Variants in USP50 observed in about 807,000 individuals in gnomAD.
USP50 encodes ubiquitin carboxyl-terminal hydrolase 50.
USP50 carries 37 observed loss-of-function variants against 39.2 expected under a neutral mutation model. That is an observed-to-expected ratio of 0.94 (90% CI 0.73 to 1.24). The LOEUF (loss-of-function observed/expected upper bound fraction) is 1.24, where lower values mean the gene tolerates loss of function less well. USP50 is among the 50% of genes most tolerant of loss of function. The pLI, the probability that USP50 is intolerant of heterozygous loss-of-function variation, is 0.00. For missense variants in USP50, 374 were observed against 398.2 expected, an observed-to-expected ratio of 0.94 and a Z score of 0.52; for synonymous variants, 139 against 144.5, an observed-to-expected ratio of 0.96 and a Z score of 0.27.
At chr15:50,517,314 T>C (rs2052811368) in intron 6 of USP50, among the ~76,000 whole-genome samples, 1 of 150,662 alleles carries the variant, frequency 6.6e-6, no homozygotes, top group South Asian at 2.1e-4. Context: ...TTACTAAAAA[T>C]ACAAAAAATT....
At chr15:50,525,664 G>GTATATTA (rs1555395222) in intron 6 of USP50, among the ~76,000 whole-genome samples, 1 of 44,888 alleles carries the variant, frequency 2.2e-5, no homozygotes, top group African/African-American at 6.6e-5. Context: ...ATGTATATAT[G>GTATATTA]TATATGTATA....
At chr15:50,506,394 T>C (rs1211264710) in intron 6 of USP50, 2 of 152,168 alleles carry the variant, frequency 1.3e-5, no homozygotes, top group African/African-American at 4.8e-5. Context: ...GTGCTCCTTA[T>C]GAGAATCTAC....
At chr15:50,537,403 T>C (rs913720849) in intron 5 of USP50, among the ~76,000 whole-genome samples, 5 of 152,140 alleles carry the variant, frequency 3.3e-5, no homozygotes, top group Admixed American at 3.3e-4. Flanking sequence ...AATGACTTTT[T>C]AGCTACAACA....
At position 50,529,830 on chromosome 15, in the gene USP50, C is replaced by T. The variant is rs1366837340; in HGVS notation, c.903G>A (p.Arg301=). ...DLTPYICSIF[R]KYPKYNLCAV... ...CACAGAGGTTGTATTTAGGATATTTCCGGAAAATTGAGCAAATATAAGGAG... is the reference window on the plus strand; with the variant it reads ...CACAGAGGTTGTATTTAGGATATTTTCGGAAAATTGAGCAAATATAAGGAG... Residue 301 remains arginine, a synonymous_variant, in exon 6 of 7, where the codon CGG becomes CGA. Transcript: ENST00000532404. 7 of 1,613,676 alleles carry T rather than the reference C, an allele frequency of 4.3e-6. No individual in the cohort carries two copies. In the Admixed American group the frequency reaches 8.3e-5, roughly 19 times the overall value.
intron 6 of USP50, among the ~76,000 whole-genome samples, chr15:50,526,708 C>G (rs890281345): frequency 3.9e-5 from 6 of 152,174 alleles, no homozygotes; most frequent in African/African-American, 1.4e-4. Context: ...ACATGTTTAA[C>G]AATCAGAGGC....
chr15:50,527,722 C>T (rs985371603), intron 6 of USP50, among the ~76,000 whole-genome samples: 2 of 151,538 alleles, frequency 1.3e-5, no homozygotes, highest in South Asian at 4.2e-4. Flanking sequence ...GCAACTTCTG[C>T]CTCCTGGGTT....
At position 50,500,662 on chromosome 15, in the gene USP50, T is replaced by G; in HGVS notation, c.*107A>C. On this transcript the variant is annotated 3_prime_UTR_variant, in exon 7 of 7. Coordinates refer to ENST00000532404, the MANE Select transcript of USP50 (RefSeq NM_203494.5). ...ACACCATTTTCCTGGCTCTTAACGC[T>G]TTTGTATTGGTATGGAAAAGGGCTG... 9.0e-7 allele frequency: 1 copy of G among 1,110,380 alleles called. No homozygotes were observed. Among genetic ancestry groups the G allele is most frequent in the South Asian group, 1.4e-5 (1 of 73,496 alleles). The allele number at this position is 1,110,380 out of a possible 1,614,324, so 68.8% of individuals were successfully genotyped here.
At chr15:50,524,039 C>T (rs1314952222) in intron 6 of USP50, among the ~76,000 whole-genome samples, 1 of 152,068 alleles carries the variant, frequency 6.6e-6, no homozygotes. Flanking sequence ...AGGGCAAGGA[C>T]AGTAAATAAA....
chr15:50,510,760 GT>G (rs1566903111), intron 6 of USP50: 1 of 151,984 alleles, frequency 6.6e-6, no homozygotes, highest in Non-Finnish European at 1.5e-5. Flanking sequence ...GTACACCAAT[GT>G]ACACCAATGT....
At chr15:50,520,448 C>T (rs1342540068) in intron 6 of USP50, among the ~76,000 whole-genome samples, 1 of 151,872 alleles carries the variant, frequency 6.6e-6, no homozygotes, top group Non-Finnish European at 1.5e-5. Flanking sequence ...ACTACAGGCA[C>T]ATGCCACAAT....
At chr15:50,538,269 G>A (rs1237545622) in intron 5 of USP50, among the ~76,000 whole-genome samples, 1 of 81,186 alleles carries the variant, frequency 1.2e-5, no homozygotes, top group African/African-American at 7.0e-5. Context: ...GAGTGAGACT[G>A]TCTCAAAAAA....
intron 6 of USP50, chr15:50,513,020 G>A (rs1276240817): frequency 6.6e-6 from 1 of 152,132 alleles, no homozygotes; most frequent in East Asian, 1.9e-4. Context: ...AAATAACCCA[G>A]TTTGTAAAAA....
rs865990282 is a variant in USP50, at chr15:50,528,087, T to A, written c.936+1710A>T. On this transcript the variant is annotated intron_variant, in intron 6 of 6. Coordinates refer to ENST00000532404, the MANE Select transcript of USP50 (RefSeq NM_203494.5). ...TAAGTTTTTTTTTTTTTTTTTTTTT[T>A]AGAGATGGGGTTTTGCCATGTTGCC... Among the ~76,000 whole-genome samples, 32 of 119,338 alleles carry A rather than the reference T, an allele frequency of 2.7e-4. No individual in the cohort carries two copies. The South Asian group carries it at 3.9e-3, about 15-fold the overall frequency. 78.3% of individuals were successfully genotyped at this position (119,338 alleles called of 152,430 possible).
At chr15:50,520,935 C>T (rs1230696446) in intron 6 of USP50, among the ~76,000 whole-genome samples, 3 of 152,146 alleles carry the variant, frequency 2.0e-5, no homozygotes, top group Non-Finnish European at 4.4e-5. Context: ...ACAATAACTG[C>T]ATATTATTTG....
chr15:50,501,885 A>AT (rs1441141782), intron 6 of USP50: 1 of 152,160 alleles, frequency 6.6e-6, no homozygotes, highest in Non-Finnish European at 1.5e-5. Context: ...ATATGTGAAA[A>AT]TTTTATGAAA....
At chr15:50,529,767 G>T in intron 6 of USP50, 30 bp downstream of exon 6, 1 of 1,594,210 alleles carries the variant, frequency 6.3e-7, no homozygotes, top group Non-Finnish European at 8.5e-7. Flanking sequence ...TTTAAAATTG[G>T]ATTACTTTTA....
chr15:50,506,315 C>G (rs1025830388), intron 6 of USP50: 1 of 152,308 alleles, frequency 6.6e-6, no homozygotes, highest in African/African-American at 2.4e-5. Context: ...GTCAGATCAG[C>G]TGCTGCATTA....
At chr15:50,545,791 A>G (rs2053066729) in intron 1 of USP50, among the ~76,000 whole-genome samples, 1 of 152,032 alleles carries the variant, frequency 6.6e-6, no homozygotes, top group Admixed American at 6.6e-5. Context: ...TTTATTAATT[A>G]TAGGATCTGG....
intron 4 of USP50, 61 bp downstream of exon 4, chr15:50,540,988 C>G: frequency 6.0e-6 from 8 of 1,340,852 alleles, no homozygotes; most frequent in Non-Finnish European, 8.5e-6. Flanking sequence ...GAAACAGCCC[C>G]GAGAAAATCC....
Sources: allele counts gnomAD v4.1 joint callset (sites outside exome capture counted in the v4.1 genomes callset), GRCh38; gene constraint gnomAD v4.1.1; transcripts MANE v1.5; gene names NCBI Gene and HGNC (gene_info 2026-07-23, HGNC 2026-07-21).